Variants in STK33 observed in about 807,000 individuals in gnomAD.
STK33 encodes the protein serine/threonine-protein kinase 33.
A neutral mutation model predicts 58.0 loss-of-function variants in STK33; 52 were observed. The observed-to-expected ratio is 0.90, with a 90% CI of 0.72 to 1.13. The LOEUF is 1.13. Among genes scored for constraint, STK33 ranks in the 50% most tolerant of loss-of-function variants. The probability of loss-of-function intolerance (pLI) is 0.00; values close to 1 mark genes in which losing one functional copy is unlikely to be tolerated. For missense variants in STK33, 630 were observed against 604.2 expected, an observed-to-expected ratio of 1.04 and a Z score of -0.45; for synonymous variants, 215 against 200.1, an observed-to-expected ratio of 1.07 and a Z score of -0.63.
chr11:8,473,442 T>C (rs1302059939), intron 5 of STK33, among the ~76,000 whole-genome samples, 166 bp from the exon 6 acceptor site: 1 of 152,192 alleles, frequency 6.6e-6, no homozygotes, highest in African/African-American at 2.4e-5. Flanking sequence ...ATGCAATTCA[T>C]TGGCTCATTA....
chr11:8,471,165 T>G (rs917727826), intron 6 of STK33, among the ~76,000 whole-genome samples: 9 of 152,232 alleles, frequency 5.9e-5, no homozygotes, highest in Admixed American at 5.9e-4. Flanking sequence ...TCATAACCAC[T>G]TCCCCAATTT....
the STK33 span, among the ~76,000 whole-genome samples, chr11:8,364,097 C>T: frequency 2.6e-5 from 4 of 152,252 alleles, no homozygotes; most frequent in East Asian, 5.8e-4. Flanking sequence ...TTTTTGCGAG[C>T]GTCACTATCT....
intron 7 of STK33, among the ~76,000 whole-genome samples, chr11:8,464,353 C>T (rs1947913461): frequency 6.6e-6 from 1 of 152,290 alleles, no homozygotes; most frequent in African/African-American, 2.4e-5. Context: ...AAAACAAAAT[C>T]AGGAGAGAGT....
intron 14 of STK33, among the ~76,000 whole-genome samples, chr11:8,423,098 T>G (rs1369413231): frequency 6.6e-6 from 1 of 151,690 alleles, no homozygotes; most frequent in Non-Finnish European, 1.5e-5. Flanking sequence ...CGCCTTGGCC[T>G]CCCAAAGTGC....
chr11:8,453,112 C>T (rs1202714554), intron 10 of STK33, among the ~76,000 whole-genome samples: 2 of 152,156 alleles, frequency 1.3e-5, no homozygotes, highest in Non-Finnish European at 2.9e-5. Context: ...GAGAAGCTTG[C>T]GTTCTCAAAT....
At chr11:8,572,267 AAC>A (rs534175609) in intron 1 of STK33, among the ~76,000 whole-genome samples, 43 of 152,114 alleles carry the variant, frequency 2.8e-4, no homozygotes, top group Non-Finnish European at 4.9e-4. Flanking sequence ...TCATCTTGAC[AAC>A]AGAGATAAAT....
chr11:8,526,405 A>G (rs916075391), intron 1 of STK33, among the ~76,000 whole-genome samples: 8 of 152,098 alleles, frequency 5.3e-5, no homozygotes, highest in Non-Finnish European at 1.2e-4. Context: ...AAAAAAAAAG[A>G]AAGTTATTTG....
intron 1 of STK33, among the ~76,000 whole-genome samples, chr11:8,503,633 A>G (rs1951674671): frequency 6.6e-6 from 1 of 152,220 alleles, no homozygotes; most frequent in African/African-American, 2.4e-5. Flanking sequence ...AAAAGTCTCC[A>G]TCTTGAAACT....
At chr11:8,467,631 C>A (rs555447521) in intron 6 of STK33, 2 of 152,370 alleles carry the variant, frequency 1.3e-5, no homozygotes, top group East Asian at 3.9e-4. Flanking sequence ...ACTGTTCCAA[C>A]CTCTGTCTAT....
chr11:8,376,058 G>A, the STK33 span, among the ~76,000 whole-genome samples: 1 of 152,288 alleles, frequency 6.6e-6, no homozygotes, highest in Admixed American at 6.5e-5. Context: ...GCATTCCTTT[G>A]CTTCCTTCCA....
the STK33 span, among the ~76,000 whole-genome samples, chr11:8,347,337 C>A: frequency 6.6e-6 from 1 of 152,214 alleles, no homozygotes; most frequent in Admixed American, 6.5e-5. Flanking sequence ...GTCCTTGAAA[C>A]CCTGTTCTGG....
chr11:8,436,454 G>A (rs574461347), intron 12 of STK33, among the ~76,000 whole-genome samples: 4 of 152,234 alleles, frequency 2.6e-5, no homozygotes, highest in African/African-American at 7.2e-5. Flanking sequence ...GTTAAAATAC[G>A]GGAAGGTGAG....
At chr11:8,522,287 A>T (rs1333941925) in intron 1 of STK33, among the ~76,000 whole-genome samples, 1 of 152,216 alleles carries the variant, frequency 6.6e-6, no homozygotes, top group East Asian at 1.9e-4. Flanking sequence ...ATGGAATACT[A>T]TGCAGCCATA....
intron 15 of STK33, among the ~76,000 whole-genome samples, chr11:8,400,804 C>T (rs1937734461): frequency 6.6e-6 from 1 of 152,180 alleles, no homozygotes; most frequent in South Asian, 2.1e-4. Context: ...GCAAAAATCA[C>T]AAACATTCCT....
intron 1 of STK33, among the ~76,000 whole-genome samples, chr11:8,560,642 G>C (rs1314159870): frequency 6.6e-6 from 1 of 152,118 alleles, no homozygotes; most frequent in African/African-American, 2.4e-5. Flanking sequence ...TCTGCCCCAA[G>C]ATTATAAAAT....
chr11:8,460,879 A>C (rs921600097), intron 8 of STK33, among the ~76,000 whole-genome samples: 1 of 152,208 alleles, frequency 6.6e-6, no homozygotes, highest in Non-Finnish European at 1.5e-5. Context: ...GTGGTCTTTA[A>C]TTGTTATCAA....
intron 1 of STK33, among the ~76,000 whole-genome samples, chr11:8,568,078 T>C (rs1957565198): frequency 6.6e-6 from 1 of 152,176 alleles, no homozygotes; most frequent in African/African-American, 2.4e-5. Flanking sequence ...TGGTCTATAA[T>C]TCCAAGGTAC....
the STK33 span, among the ~76,000 whole-genome samples, chr11:8,377,783 A>G: frequency 1.3e-5 from 2 of 152,372 alleles, no homozygotes; most frequent in East Asian, 1.9e-4. Flanking sequence ...AATAAAATCA[A>G]TGTACACAAA....
chr11:8,361,018 T>TG, the STK33 span, among the ~76,000 whole-genome samples: 5 of 152,210 alleles, frequency 3.3e-5, no homozygotes, highest in South Asian at 2.1e-4. The surrounding 1 kb of genome is among the most constrained non-coding windows in gnomAD (Gnocchi z 4.8). Flanking sequence ...TCAGGAATCT[T>TG]GGGGGGTCAC....
Sources: gnomAD v4.1 joint callset for allele counts (sites outside exome capture counted in the v4.1 genomes callset) on GRCh38, gnomAD v4.1.1 for gene constraint, Gnocchi (gnomAD v3.1) non-coding constraint, MANE v1.5 for transcripts, NCBI Gene and HGNC (gene_info 2026-07-23, HGNC 2026-07-21) for gene names.